The following PHACTR2 variants were observed in gnomAD, a reference collection of about 807,000 sequenced individuals.
The protein encoded by PHACTR2 is phosphatase and actin regulator 2.
PHACTR2 carries 30 observed loss-of-function variants against 76.0 expected under a neutral mutation model. The observed-to-expected ratio is 0.39, with a 90% CI of 0.30 to 0.54. The LOEUF is 0.54. Among genes scored for constraint, PHACTR2 ranks in the 20% least tolerant of loss-of-function variants. PHACTR2 has a pLI of 0.61. For synonymous variants in PHACTR2, 292 were observed against 292.5 expected (o/e 1.00, Z 0.02); for missense variants, 696 against 781.1 (o/e 0.89, Z 1.30).
At chr6:143,763,689 G>A (rs975274048) in intron 5 of PHACTR2, among the ~76,000 whole-genome samples, 2 of 152,152 alleles carry the variant, frequency 1.3e-5, no homozygotes, top group African/African-American at 4.8e-5. Flanking sequence ...AATAAGACTG[G>A]CTTCTTTAGT....
At position 143,800,974 on chromosome 6, in the gene PHACTR2, T is replaced by C. The variant is rs984012676; in HGVS notation, c.1846-6083T>C. ...TTATGAAGCTTAGTTCAGCTGGATA[T>C]GAAATTTTGGGTTGAAAATTCTTTT... is the stretch of plus-strand genomic sequence containing the variant. On this transcript the variant is annotated intron_variant, in intron 11 of 12. Transcript: ENST00000440869. This position sits in a 1 kb window ranked among gnomAD's most constrained non-coding sequence, Gnocchi z 4.8. 6.6e-6 allele frequency among the ~76,000 whole-genome samples: 1 copy of C among 152,238 alleles called. No homozygotes were observed. The highest frequency in any genetic ancestry group is 2.1e-4 in the South Asian group (1 of 4,830).
At position 143,541,221 on chromosome 6, in the gene PHACTR2, T is replaced by C. The variant is rs1781168751; in HGVS notation, c.217+4014T>C. Among the ~76,000 whole-genome samples the C allele has an allele frequency of 6.6e-6, 1 of 152,244 alleles. No individual in the cohort carries two copies. Among genetic ancestry groups the C allele is most frequent in the Admixed American group, 6.5e-5 (1 of 15,290 alleles). On this transcript the variant is annotated intron_variant, in intron 1 of 11. Coordinates refer to the PHACTR2 transcript ENST00000367584. This position sits in a 1 kb window ranked among gnomAD's most constrained non-coding sequence, Gnocchi z 5.3. The stretch of plus-strand genomic sequence containing the variant: ...CTCTTAAGTTTTAGACAGATCCTGT[T>C]CGGTATTAAGGAGCTTTGATAACTT...
rs1315012272 is a variant in PHACTR2, at chr6:143,806,913, C to T, written c.1846-144C>T. ...TTGAGGCTGCAATGAGCCATGATCT[C>T]GCCACTCCACTCCAGCTTGGATGAC... On this transcript the variant is annotated intron_variant, in intron 11 of 12. Transcript: ENST00000440869. The surrounding 1 kb of genome is among the most constrained non-coding windows in gnomAD (Gnocchi z 5.8). The T allele has an allele frequency of 3.9e-6, 2 of 508,350 alleles. No homozygotes were observed. The highest frequency in any genetic ancestry group is 2.8e-5 in the South Asian group (1 of 35,896). 31.5% of individuals were successfully genotyped at this position (508,350 alleles called of 1,614,324 possible). A position where few individuals can be genotyped will look rare whatever the true frequency, so the allele number is the denominator to read the frequency against.
Position 143,678,979 on chromosome 6 carries a change from T to C in PHACTR2, c.46+770T>C, listed in dbSNP as rs1777323810. 6.6e-6 allele frequency among the ~76,000 whole-genome samples: 1 copy of C among 151,636 alleles called. No homozygotes were observed. Among genetic ancestry groups the C allele is most frequent in the African/African-American group, 2.4e-5 (1 of 41,256 alleles). On this transcript the variant is annotated intron_variant, in intron 1 of 12. Transcript: ENST00000440869. This position sits in a 1 kb window ranked among gnomAD's most constrained non-coding sequence, Gnocchi z 6.2. The stretch of plus-strand genomic sequence containing the variant: ...AACTGTTTGGTGGTGTTACTTGTGA[T>C]TGGATAAGGAAATAAATTTAAAAGG...
In PHACTR2 at chr6:143,633,351, C is replaced by T. The variant is rs778648618; in HGVS notation, c.13+25029C>T. ...GTTGCTTCAATTTGCAATTCCCTAT[C>T]GGCATATGATGCTGAACATCTTTTC... is the stretch of plus-strand genomic sequence containing the variant. On this transcript the variant is annotated intron_variant, in intron 1 of 11. Coordinates refer to the PHACTR2 transcript ENST00000305766. This position sits in a 1 kb window ranked among gnomAD's most constrained non-coding sequence, Gnocchi z 4.1. Among the ~76,000 whole-genome samples, 4 of 152,184 alleles carry T rather than the reference C, an allele frequency of 2.6e-5. No individual in the cohort carries two copies. Among genetic ancestry groups the T allele is most frequent in the East Asian group, 1.9e-4 (1 of 5,200 alleles).
chr6:143,785,174 T>A (rs2128478567), intron 10 of PHACTR2, among the ~76,000 whole-genome samples: 1 of 152,238 alleles, frequency 6.6e-6, no homozygotes, highest in South Asian at 2.1e-4. Flanking sequence ...AAAAGCAAGC[T>A]AGTTACTTCC....
rs1775560274 is a variant in PHACTR2 at position 143,580,480 on chromosome 6, G to C, written c.217+43273G>C. The stretch of plus-strand genomic sequence containing the variant: ...AGCCTGGGCGACAGAGCGAGACTCC[G>C]TCTCAAACAAAACAAAACAAAACAA... On this transcript the variant is annotated intron_variant, in intron 1 of 11. Transcript: ENST00000367584. The surrounding 1 kb of genome is among the most constrained non-coding windows in gnomAD (Gnocchi z 4.2). Among the ~76,000 whole-genome samples, 1 of 151,106 alleles carries C rather than the reference G, an allele frequency of 6.6e-6. No individual in the cohort carries two copies. Among genetic ancestry groups the C allele is most frequent in the Non-Finnish European group, 1.5e-5 (1 of 67,860 alleles).
chr6:143,588,363 GA>G (rs1775651150), intron 1 of PHACTR2, among the ~76,000 whole-genome samples: 1 of 152,100 alleles, frequency 6.6e-6, no homozygotes, highest in Admixed American at 6.6e-5. Context: ...TTCATTTTTA[GA>G]AAATGGAACC....
At chr6:143,693,899 C>T (rs1008902881) in intron 1 of PHACTR2, among the ~76,000 whole-genome samples, 1 of 152,044 alleles carries the variant, frequency 6.6e-6, no homozygotes, top group Non-Finnish European at 1.5e-5. Flanking sequence ...CGAAACCCGT[C>T]TATACAAAGA....
rs1057284763 is a variant in PHACTR2, at chr6:143,708,137, G to A, written c.47-3879G>A. Among the ~76,000 whole-genome samples, 10 of 152,166 alleles carry A rather than the reference G, an allele frequency of 6.6e-5. No individual in the cohort carries two copies. The highest frequency in any genetic ancestry group is 1.3e-4 in the Non-Finnish European group (9 of 68,028). On this transcript the variant is annotated intron_variant, in intron 1 of 12. Coordinates refer to ENST00000440869, the MANE Select transcript of PHACTR2 (RefSeq NM_001100164.2). The surrounding 1 kb of genome is among the most constrained non-coding windows in gnomAD (Gnocchi z 5.5). Reference sequence around the variant, plus strand: ...ACCTTATCAATATGATAATTATCTAGCCTCATTTATTTTTGGCTTATATGG... The same window carrying A: ...ACCTTATCAATATGATAATTATCTAACCTCATTTATTTTTGGCTTATATGG...
rs1232068396 is a variant in PHACTR2, at chr6:143,680,865, A to G, written c.46+2656A>G. Among the ~76,000 whole-genome samples the G allele has an allele frequency of 6.6e-6, 1 of 152,140 alleles. No individual in the cohort carries two copies. The highest frequency in any genetic ancestry group is 1.9e-4 in the East Asian group (1 of 5,202). On this transcript the variant is annotated intron_variant, in intron 1 of 12. Coordinates refer to ENST00000440869, the MANE Select transcript of PHACTR2 (RefSeq NM_001100164.2). The surrounding 1 kb of genome is among the most constrained non-coding windows in gnomAD (Gnocchi z 4.5). ...CATGTCAATGGAATCATAATGTGTC[A>G]TTTTGTGACTGGCTTCTTTCAGTTA...
chr6:143,586,505 A>T (rs1401610884), intron 1 of PHACTR2, among the ~76,000 whole-genome samples: 1 of 152,254 alleles, frequency 6.6e-6, no homozygotes, highest in Non-Finnish European at 1.5e-5. Context: ...GAAAGAACTT[A>T]AAGGCAACCC....
chr6:143,722,375 T>C lies in PHACTR2; in HGVS notation c.214+10192T>C, dbSNP rs944470176. 4.6e-5 allele frequency among the ~76,000 whole-genome samples: 7 copies of C among 152,174 alleles called. No homozygotes were observed. The highest frequency in any genetic ancestry group is 1.0e-4 in the Non-Finnish European group (7 of 68,026). On this transcript the variant is annotated intron_variant, in intron 2 of 12. Coordinates refer to ENST00000440869, the MANE Select transcript of PHACTR2 (RefSeq NM_001100164.2). This position sits in a 1 kb window ranked among gnomAD's most constrained non-coding sequence, Gnocchi z 4.1. ...CTCCATGATATCTGGTTTTATACCATTTTGTGGGTGTTTTCTTCTCTCTTG... is the reference window on the plus strand; with the variant it reads ...CTCCATGATATCTGGTTTTATACCACTTTGTGGGTGTTTTCTTCTCTCTTG...
chr6:143,732,873 C>G (rs774916898), intron 2 of PHACTR2, among the ~76,000 whole-genome samples: 46 of 152,102 alleles, frequency 3.0e-4, no homozygotes, highest in Non-Finnish European at 5.4e-4. Flanking sequence ...TTTGATTACT[C>G]CTTGTCTTTT....
rs976882692 is a variant in PHACTR2 at position 143,807,322 on chromosome 6, T to C, written c.1922+189T>C. ...AACATTTCCGCTTCTCTCACATTCA[T>C]CCTTGTTGGCTTTTAAGAACCTAAT... On this transcript the variant is annotated intron_variant, in intron 12 of 12. Coordinates refer to ENST00000440869, the MANE Select transcript of PHACTR2 (RefSeq NM_001100164.2). The surrounding 1 kb of genome is among the most constrained non-coding windows in gnomAD (Gnocchi z 5.5). 6.6e-6 allele frequency among the ~76,000 whole-genome samples: 1 copy of C among 152,246 alleles called. No individual in the cohort carries two copies. Among genetic ancestry groups the C allele is most frequent in the African/African-American group, 2.4e-5 (1 of 41,460 alleles).
intron 11 of PHACTR2, among the ~76,000 whole-genome samples, chr6:143,790,783 C>T (rs924008956): frequency 6.6e-6 from 1 of 151,780 alleles, no homozygotes. Context: ...ACGCCATTCT[C>T]CTGCTTCAGC....
At chr6:143,762,754 C>T (rs1300223827) in intron 5 of PHACTR2, among the ~76,000 whole-genome samples, 1 of 152,082 alleles carries the variant, frequency 6.6e-6, no homozygotes, top group Non-Finnish European at 1.5e-5. Flanking sequence ...CTGTAGCTAC[C>T]TAGGTATCGG....
At position 143,807,476 on chromosome 6, in the gene PHACTR2, A is replaced by G. The variant is rs145456181; in HGVS notation, c.1922+343A>G. ...GCTGAATAAGAATTTCTAAAATTAA[A>G]TCTTTTCTTTCAAGGAAGTCTGAAT... is the stretch of plus-strand genomic sequence containing the variant. On this transcript the variant is annotated intron_variant, in intron 12 of 12. Transcript: ENST00000440869. This position sits in a 1 kb window ranked among gnomAD's most constrained non-coding sequence, Gnocchi z 5.5. Among the ~76,000 whole-genome samples, 74 of 152,342 alleles carry G rather than the reference A, an allele frequency of 4.9e-4. No individual in the cohort carries two copies. Among genetic ancestry groups the G allele is most frequent in the African/African-American group, 1.8e-3 (74 of 41,594 alleles).
chr6:143,744,247 G>T (rs1779005903), intron 2 of PHACTR2, among the ~76,000 whole-genome samples: 1 of 152,182 alleles, frequency 6.6e-6, no homozygotes, highest in Non-Finnish European at 1.5e-5. Flanking sequence ...GTCGCTCAGG[G>T]TTTTGCCACA....
Sources: gnomAD v4.1 joint callset for allele counts (sites outside exome capture counted in the v4.1 genomes callset) on GRCh38, gnomAD v4.1.1 for gene constraint, Gnocchi (gnomAD v3.1) non-coding constraint, MANE v1.5 for transcripts, NCBI Gene and HGNC (gene_info 2026-07-23, HGNC 2026-07-21) for gene names.